The following CRTC1 variants were observed in gnomAD, a reference collection of about 807,000 sequenced individuals.
CRTC1 encodes CREB regulated transcription coactivator 1, also known as CREB-regulated transcription coactivator 1.
A neutral mutation model predicts 66.1 loss-of-function variants in CRTC1; 18 were observed. That is an observed-to-expected ratio of 0.27 (90% CI 0.19 to 0.40). The LOEUF (loss-of-function observed/expected upper bound fraction) is 0.40, where lower values mean the gene tolerates loss of function less well. CRTC1 is among the 10% of genes least tolerant of loss of function. The pLI, the probability that CRTC1 is intolerant of heterozygous loss-of-function variation, is 1.00. For missense variants in CRTC1, 669 were observed against 887.9 expected, an observed-to-expected ratio of 0.75 and a Z score of 3.13; for synonymous variants, 416 against 398.8, an observed-to-expected ratio of 1.04 and a Z score of -0.51.
At chr19:18,706,487 G>A (rs111637304) in intron 1 of CRTC1, among the ~76,000 whole-genome samples, 2,074 of 152,044 alleles carry the variant, frequency 0.014, 58 homozygotes, top group African/African-American at 0.047. Flanking sequence ...GATTATAGGC[G>A]TGAGCCACCA....
chr19:18,767,040 CCTT>C (rs1180278870), intron 9 of CRTC1, among the ~76,000 whole-genome samples: 2 of 152,114 alleles, frequency 1.3e-5, no homozygotes, highest in African/African-American at 2.4e-5. Context: ...AATCTCATCT[CCTT>C]CTTATAAGGC....
Position 18,745,923 on chromosome 19 carries a change from A to C in CRTC1, c.344A>C (p.His115Pro). 2 of 1,612,192 alleles carry C rather than the reference A, an allele frequency of 1.2e-6. No individual in the cohort carries two copies. Among genetic ancestry groups the C allele is most frequent in the Non-Finnish European group, 8.5e-7 (1 of 1,179,374 alleles). ...YRERGRLGSP[H>P]RRPLSVDKHG... ...GAGCGTGGCCGGCTCGGCTCCCCACACCGCCGGCCCCTGTCAGTGGACAAA... is the reference window on the plus strand; with the variant it reads ...GAGCGTGGCCGGCTCGGCTCCCCACCCCGCCGGCCCCTGTCAGTGGACAAA... The change falls in exon 3 of 14, where the codon CAC (histidine) becomes CCC (proline). Residue 115 changes from histidine to proline, a missense_variant. Physicochemically the swap from His to Pro is moderately conservative, Grantham distance 77. Transcript: ENST00000321949.
intron 13 of CRTC1, among the ~76,000 whole-genome samples, chr19:18,776,400 A>G (rs2054989724): frequency 6.6e-6 from 1 of 152,234 alleles, no homozygotes; most frequent in Non-Finnish European, 1.5e-5. Flanking sequence ...CTGCTGAAGA[A>G]GATGATTCCC....
At chr19:18,745,288 CAA>C (rs2054205437) in intron 2 of CRTC1, among the ~76,000 whole-genome samples, 3 of 152,276 alleles carry the variant, frequency 2.0e-5, no homozygotes, top group African/African-American at 4.8e-5. Context: ...GCGTCTCAAT[CAA>C]GAGCAGCCCT....
chr19:18,714,886 C>T (rs2053471542), intron 1 of CRTC1, among the ~76,000 whole-genome samples: 1 of 152,256 alleles, frequency 6.6e-6, no homozygotes, highest in Admixed American at 6.5e-5. Flanking sequence ...CTCCTGCCCC[C>T]ACTGGGCTCT....
chr19:18,758,182 A>C (rs2145797383), intron 6 of CRTC1, among the ~76,000 whole-genome samples: 1 of 150,532 alleles, frequency 6.6e-6, no homozygotes, highest in East Asian at 2.0e-4. Flanking sequence ...TAACACGGTG[A>C]AACCCCGTCT....
intron 6 of CRTC1, among the ~76,000 whole-genome samples, chr19:18,758,652 G>A (rs1039189472): frequency 2.6e-5 from 4 of 152,200 alleles, no homozygotes; most frequent in Admixed American, 2.6e-4. Flanking sequence ...CCCCGGGGAA[G>A]TCACATGTCT....
chr19:18,777,190 C>A lies in CRTC1; in HGVS notation c.1713C>A (p.Pro571=), dbSNP rs149900769. ...IILTVTGESP[P]SLSKELTSSL... ...CCCCAGTGACAGGAGAGTCCCCCCCCAGCCTCTCTAAAGAACTGACCAGCT... is the reference window on the plus strand; with the variant it reads ...CCCCAGTGACAGGAGAGTCCCCCCCAAGCCTCTCTAAAGAACTGACCAGCT... Residue 571 remains proline, a synonymous_variant, in exon 14 of 14, where the codon CCC becomes CCA. Coordinates refer to ENST00000321949, the MANE Select transcript of CRTC1 (RefSeq NM_015321.3). The surrounding 1 kb of genome is among the most constrained non-coding windows in gnomAD (Gnocchi z 5.5). 5.7e-4 allele frequency: 909 copies of A among 1,601,582 alleles called. No homozygotes were observed. The highest frequency in any genetic ancestry group is 7.4e-4 in the Non-Finnish European group (871 of 1,172,272).
At chr19:18,736,943 C>G (rs970949783) in intron 1 of CRTC1, among the ~76,000 whole-genome samples, 5 of 152,156 alleles carry the variant, frequency 3.3e-5, no homozygotes, top group Non-Finnish European at 7.4e-5. Flanking sequence ...GTGGAGGTGT[C>G]GCTGTGCCCT....
At chr19:18,736,570 C>T (rs2054000543) in intron 1 of CRTC1, among the ~76,000 whole-genome samples, 2 of 151,988 alleles carry the variant, frequency 1.3e-5, no homozygotes, top group East Asian at 1.9e-4. Flanking sequence ...GCGGTGGGCC[C>T]AGGGGGAAGA....
At chr19:18,712,236 GTGCC>G (rs1356251707) in intron 1 of CRTC1, among the ~76,000 whole-genome samples, 2 of 150,158 alleles carry the variant, frequency 1.3e-5, no homozygotes, top group Non-Finnish European at 3.0e-5. Context: ...ATGAGCCACT[GTGCC>G]TGGCCCAGTT....
chr19:18,763,954 G>A lies in CRTC1; in HGVS notation c.887-1450G>A, dbSNP rs1417410707. On this transcript the variant is annotated intron_variant, in intron 8 of 13. Transcript: ENST00000321949. ...GAGCAGGCTTCCCCCACATCCTCCC[G>A]TCCAGGCCTCTGTTGATGCCTCCCT... 2.6e-5 allele frequency among the ~76,000 whole-genome samples: 4 copies of A among 152,150 alleles called. No homozygotes were observed. In the East Asian group the frequency reaches 7.7e-4, roughly 29 times the overall value.
intron 2 of CRTC1, among the ~76,000 whole-genome samples, chr19:18,743,414 C>T (rs1167723403): frequency 1.3e-5 from 2 of 152,254 alleles, no homozygotes; most frequent in Non-Finnish European, 2.9e-5. Flanking sequence ...TGTCTGCAAA[C>T]GTTTCTTGGC....
chr19:18,745,867 G>A lies in CRTC1; in HGVS notation c.288G>A (p.Arg96=), dbSNP rs1006394036. ...SSGLDTSRTT[R]HHGLVDRVYR... ...GCCTGGACACCAGCCGGACCACCCGGCACCATGGGCTGGTGGACAGGGTGT... is the reference window on the plus strand; with the variant it reads ...GCCTGGACACCAGCCGGACCACCCGACACCATGGGCTGGTGGACAGGGTGT... Residue 96 remains arginine (R), a synonymous_variant, in exon 3 of 14, where the codon CGG becomes CGA. Transcript: ENST00000321949. The A allele has an allele frequency of 2.5e-6, 4 of 1,613,720 alleles. No individual in the cohort carries two copies. The East Asian group carries it at 8.9e-5, about 36-fold the overall frequency.
chr19:18,695,264 C>T (rs1008114447), intron 1 of CRTC1, among the ~76,000 whole-genome samples: 1 of 152,076 alleles, frequency 6.6e-6, no homozygotes, highest in East Asian at 1.9e-4. Context: ...CTTCGCCTCT[C>T]AAAGTGCTGG....
intron 9 of CRTC1, 95 bp downstream of exon 9, chr19:18,765,623 G>A (rs1049276102): frequency 1.4e-5 from 18 of 1,254,162 alleles, no homozygotes; most frequent in Non-Finnish European, 1.9e-5. Flanking sequence ...CTTCCAGGAG[G>A]CCACAAAACC....
rs577458019 is a variant in CRTC1 at position 18,754,708 on chromosome 19, G to A, written c.624+1123G>A. The stretch of plus-strand genomic sequence containing the variant: ...AGTCTTCAGTCCCTCGAGGAGATAA[G>A]ATTCTGAAGAAATTTTAAACTCATG... On this transcript the variant is annotated intron_variant, in intron 6 of 13. Transcript: ENST00000321949. Among the ~76,000 whole-genome samples, 55 of 152,322 alleles carry A rather than the reference G, an allele frequency of 3.6e-4. 1 individual carries two copies. In the South Asian group the frequency reaches 0.011, roughly 30 times the overall value.
intron 1 of CRTC1, among the ~76,000 whole-genome samples, chr19:18,734,102 C>CA (rs113090036): frequency 1.6e-3 from 208 of 130,714 alleles, no homozygotes; most frequent in Middle Eastern, 4.0e-3. Flanking sequence ...GACTCCGTCT[C>CA]AAAAAAAAAA....
At chr19:18,773,969 G>A (rs2054927303) in intron 11 of CRTC1, among the ~76,000 whole-genome samples, 1 of 152,302 alleles carries the variant, frequency 6.6e-6, no homozygotes, top group South Asian at 2.1e-4. Flanking sequence ...AGAGGGCCAG[G>A]GCTTTGGGTC....
Sources: gnomAD v4.1 joint callset for allele counts (sites outside exome capture counted in the v4.1 genomes callset) on GRCh38, gnomAD v4.1.1 for gene constraint, Gnocchi (gnomAD v3.1) non-coding constraint, MANE v1.5 for transcripts, NCBI Gene and HGNC (gene_info 2026-07-23, HGNC 2026-07-21) for gene names.